The following CASP10 variants were observed in gnomAD, a reference collection of about 807,000 sequenced individuals.
CASP10 encodes the protein caspase 10.
A neutral mutation model predicts 48.5 loss-of-function variants in CASP10; 41 were observed. The observed-to-expected ratio is 0.85, with a 90% CI of 0.66 to 1.10. CASP10 has a LOEUF of 1.10. Among genes scored for constraint, CASP10 ranks in the 50% least tolerant of loss-of-function variants. CASP10 has a pLI of 0.00. For synonymous variants in CASP10, 232 were observed against 238.4 expected (o/e 0.97, Z 0.25); for missense variants, 614 against 614.5 (o/e 1.00, Z 0.01).
At position 201,207,578 on chromosome 2, in the gene CASP10, G is replaced by A. The variant is rs1033131233; in HGVS notation, c.814-497G>A. On this transcript the variant is annotated intron_variant, in intron 7 of 9. Transcript: ENST00000286186. ...TCAAGACCATCCTGGCCAACATAGTGAAACCCCGTCTCTACTAAAAATACA... is the reference window on the plus strand; with the variant it reads ...TCAAGACCATCCTGGCCAACATAGTAAAACCCCGTCTCTACTAAAAATACA... Among the ~76,000 whole-genome samples, 6 of 152,182 alleles carry A rather than the reference G, an allele frequency of 3.9e-5. No individual in the cohort carries two copies. In the South Asian group the frequency reaches 1.0e-3, roughly 26 times the overall value.
At chr2:201,217,000 A>G (rs1945591796) in intron 9 of CASP10, among the ~76,000 whole-genome samples, 3 of 152,090 alleles carry the variant, frequency 2.0e-5, no homozygotes, top group Admixed American at 2.0e-4. Flanking sequence ...TGGAACCTTG[A>G]CCTTTCATTT....
chr2:201,209,157 A>C lies in CASP10; in HGVS notation c.1010A>C (p.Gln337Pro). The change falls in exon 9 of 10, where the codon CAG (glutamine) becomes CCG (proline). Residue 337 changes from glutamine (Q) to proline (P), a missense_variant. Gln to Pro is a moderately conservative substitution (Grantham distance 76). Coordinates refer to ENST00000286186, the MANE Select transcript of CASP10 (RefSeq NM_032977.4). ...VTKVEMEMVL[Q>P]KQKCNPAHAD... ...AAAGTGGAAATGGAGATGGTCCTGC[A>C]GAAGCAGAAGTGCAATCCAGCCCAT... 6.2e-7 allele frequency: 1 copy of C among 1,612,014 alleles called. No individual in the cohort carries two copies. Among genetic ancestry groups the C allele is most frequent in the Non-Finnish European group, 8.5e-7 (1 of 1,179,118 alleles).
Position 201,221,575 on chromosome 2 carries a change from C to T in CASP10, c.*3834C>T, listed in dbSNP as rs1290185925. On this transcript the variant is annotated 3_prime_UTR_variant, in exon 10 of 10. Transcript: ENST00000286186. ...CACTACTTACCCAAATCCTATAAAA[C>T]GGCCCCACCCCTATCTCCCTTCACT... 2.0e-5 allele frequency: 3 copies of T among 152,216 alleles called. No homozygotes were observed. The highest frequency in any genetic ancestry group is 4.4e-5 in the Non-Finnish European group (3 of 68,138). The allele number at this position is 152,216 out of a possible 1,614,324, so 9.4% of individuals were successfully genotyped here. A position where few individuals can be genotyped will look rare whatever the true frequency, so the allele number is the denominator to read the frequency against.
chr2:201,216,916 C>G (rs1370293150), intron 9 of CASP10, among the ~76,000 whole-genome samples: 2 of 152,220 alleles, frequency 1.3e-5, no homozygotes, highest in Admixed American at 6.5e-5. Flanking sequence ...CAAGCCCAGG[C>G]TCAAATGCTA....
At chr2:201,196,885 C>A (rs1169582802) in intron 5 of CASP10, among the ~76,000 whole-genome samples, 7 of 152,150 alleles carry the variant, frequency 4.6e-5, no homozygotes, top group Admixed American at 2.6e-4. Context: ...CTTTCTCTCT[C>A]TATAAATTTG....
At chr2:201,216,875 G>A (rs1485949784) in intron 9 of CASP10, among the ~76,000 whole-genome samples, 2 of 152,106 alleles carry the variant, frequency 1.3e-5, no homozygotes, top group African/African-American at 2.4e-5. Context: ...TGCCTACCCT[G>A]AGAACGTTCT....
intron 4 of CASP10, 101 bp from the exon 5 acceptor site, chr2:201,195,741 A>G (rs1944768594): frequency 2.4e-6 from 2 of 845,952 alleles, no homozygotes; most frequent in African/African-American, 3.3e-5. Context: ...GCAGTGGGGC[A>G]ATCTTGGCTC....
chr2:201,188,814 G>A (rs1159288181), intron 3 of CASP10, among the ~76,000 whole-genome samples: 1 of 151,418 alleles, frequency 6.6e-6, no homozygotes, highest in Non-Finnish European at 1.5e-5. Flanking sequence ...AGCAACTGTT[G>A]ATGTTCAACC....
chr2:201,209,248 G>T lies in CASP10; in HGVS notation c.1101G>T (p.Ser367=), dbSNP rs1300529029. The change falls in exon 9 of 10, where the codon TCG becomes TCT. Residue 367 remains serine (S), a synonymous_variant. Transcript: ENST00000286186. ...THGRFGAVYS[S]DEALIPIREI... ...GGAGATTTGGAGCTGTCTACTCTTC[G>T]GATGAGGCCCTCATTCCCATTCGGG... The T allele has an allele frequency of 1.2e-6, 2 of 1,614,106 alleles. No homozygotes were observed. Among genetic ancestry groups the T allele is most frequent in the East Asian group, 4.5e-5 (2 of 44,880 alleles).
chr2:201,216,646 T>C (rs1165739426), intron 9 of CASP10, among the ~76,000 whole-genome samples: 3 of 152,078 alleles, frequency 2.0e-5, no homozygotes, highest in African/African-American at 7.2e-5. Flanking sequence ...AGCAGAACAG[T>C]GTAGCCAGTG....
At chr2:201,212,735 T>A (rs1945439837) in intron 9 of CASP10, 1 of 152,202 alleles carries the variant, frequency 6.6e-6, no homozygotes, top group Non-Finnish European at 1.5e-5. Flanking sequence ...AAGTAGGTAT[T>A]TGAAAAACTG....
At chr2:201,193,518 G>T in intron 4 of CASP10, 1 of 243,792 alleles carries the variant, frequency 4.1e-6, no homozygotes, top group South Asian at 5.0e-5. Flanking sequence ...CGTGCATGAT[G>T]TTTACTCATC....
At chr2:201,204,139 C>T (rs1449331387) in intron 6 of CASP10, among the ~76,000 whole-genome samples, 4 of 152,164 alleles carry the variant, frequency 2.6e-5, no homozygotes, top group African/African-American at 9.6e-5. Flanking sequence ...TGCGTGTCCT[C>T]TATGGAGTGG....
intron 7 of CASP10, among the ~76,000 whole-genome samples, chr2:201,206,805 T>A (rs1945223076): frequency 6.6e-6 from 1 of 152,012 alleles, no homozygotes; most frequent in South Asian, 2.1e-4. Context: ...AGGCATTAGA[T>A]CACTCCAGAA....
downstream of CASP10, among the ~76,000 whole-genome samples, chr2:201,222,684 G>A (rs1945740249): frequency 6.6e-6 from 1 of 152,200 alleles, no homozygotes; most frequent in Non-Finnish European, 1.5e-5. Context: ...GGGCAGGTTG[G>A]ATATCATGGG....
chr2:201,185,849 T>A lies in CASP10; in HGVS notation c.72T>A (p.Leu24=), dbSNP rs1369167232. Residue 24 remains leucine, a synonymous_variant, in exon 2 of 10, where the codon CTT becomes CTA. Coordinates refer to ENST00000286186, the MANE Select transcript of CASP10 (RefSeq NM_032977.4). ...GTAAAGTGAGCTTTCGTGAGAAGCT[T>A]CTGATTATTGATTCAAACCTGGGGG... is the stretch of plus-strand genomic sequence containing the variant. ...KNCKVSFREK[L]LIIDSNLGVQ... 1 of 1,614,042 alleles carries A rather than the reference T, an allele frequency of 6.2e-7. No homozygotes were observed. The highest frequency in any genetic ancestry group is 2.2e-5 in the East Asian group (1 of 44,876).
rs968102128 is a variant in CASP10 at position 201,220,535 on chromosome 2, T to A, written c.*2794T>A. 1 of 157,266 alleles carries A rather than the reference T, an allele frequency of 6.4e-6. No individual in the cohort carries two copies. The highest frequency in any genetic ancestry group is 1.4e-5 in the Non-Finnish European group (1 of 72,688). The allele number at this position is 157,266 out of a possible 1,614,324, so 9.7% of individuals were successfully genotyped here. A position where few individuals can be genotyped will look rare whatever the true frequency, so the allele number is the denominator to read the frequency against. ...CGGACACACAACTCTCCCTCCCAGA[T>A]AAGCACAGCAAAGAGACATAGAAGC... On this transcript the variant is annotated 3_prime_UTR_variant, in exon 10 of 10. Coordinates refer to ENST00000286186, the MANE Select transcript of CASP10 (RefSeq NM_032977.4).
At chr2:201,200,682 C>A in intron 5 of CASP10, 1 of 1,377,026 alleles carries the variant, frequency 7.3e-7, no homozygotes, top group South Asian at 1.9e-5. Context: ...TGTAAGTGAT[C>A]TTAAGAGATT....
At position 201,193,003 on chromosome 2, in the gene CASP10, C is replaced by T. The variant is rs779113110; in HGVS notation, c.461C>T (p.Ala154Val). ...TTGTAGACCTCCCTAAGTTTCCTGG[C>T]ATTTCTAGAGAAACAAGGTAAAATA... ...KTEMTSLSFL[A>V]FLEKQGKIDE... The change falls in exon 4 of 10, where the codon GCA becomes GTA. Residue 154 changes from alanine (A) to valine (V), a missense_variant. By Grantham distance (64) the Ala-to-Val change is moderately conservative (BLOSUM62 0). Transcript: ENST00000286186. The T allele has an allele frequency of 6.2e-7, 1 of 1,613,554 alleles. No individual in the cohort carries two copies. The highest frequency in any genetic ancestry group is 8.5e-7 in the Non-Finnish European group (1 of 1,179,652).
Sources: allele counts gnomAD v4.1 joint callset (sites outside exome capture counted in the v4.1 genomes callset), GRCh38; gene constraint gnomAD v4.1.1; transcripts MANE v1.5; gene names NCBI Gene and HGNC (gene_info 2026-07-23, HGNC 2026-07-21).